XPO6: variants seen among roughly 807,000 people sequenced by gnomAD.
XPO6 encodes the protein exportin 6.
In XPO6, 3 loss-of-function variants were observed where a neutral mutation model predicts 130.0. The ratio of observed to expected loss-of-function variants is 0.02; its 90% CI spans 0.01 to 0.06. The LOEUF (loss-of-function observed/expected upper bound fraction) is 0.06. Among genes scored for constraint, XPO6 ranks in the 10% least tolerant of loss-of-function variants. XPO6 has a pLI of 1.00. For missense variants in XPO6, 970 were observed against 1,393.0 expected, an observed-to-expected ratio of 0.70 and a Z score of 4.83; for synonymous variants, 524 against 548.9, an observed-to-expected ratio of 0.95 and a Z score of 0.63.
rs780747269 is a variant in XPO6 at position 28,156,470 on chromosome 16, G to A, written c.701C>T (p.Pro234Leu). 1.2e-6 allele frequency: 2 copies of A among 1,606,900 alleles called. No homozygotes were observed. The highest frequency in any genetic ancestry group is 1.1e-5 in the South Asian group (1 of 90,632). The stretch of plus-strand genomic sequence containing the variant: ...ACTCTCCACATCAAGGATGGGAATT[G>A]GCTGATTCAACAGTTTGGCTGAACT... Reference protein sequence around the residue: ...SPSSAKLLNQPIPILDVESEY... With the variant: ...SPSSAKLLNQLIPILDVESEY... The change falls in exon 7 of 24, where the codon CCA (proline) becomes CTA (leucine). Residue 234 changes from proline (P) to leucine (L), a missense_variant. Around this residue, in one of 4 missense-constraint regions of XPO6, gnomAD observed 936 missense variants for 1,306.8 expected, o/e 0.72. Transcript: ENST00000304658.
chr16:28,147,026 A>C (rs1379324370), intron 8 of XPO6, among the ~76,000 whole-genome samples: 1 of 152,208 alleles, frequency 6.6e-6, no homozygotes, highest in Non-Finnish European at 1.5e-5. Flanking sequence ...TCAAATGCTC[A>C]CTACCTGAAA....
At chr16:28,182,587 C>CCCCT (rs1163585873) in intron 1 of XPO6, among the ~76,000 whole-genome samples, 1 of 152,180 alleles carries the variant, frequency 6.6e-6, no homozygotes, top group East Asian at 1.9e-4. Context: ...TTAGCCTAGC[C>CCCCT]CCCTACTCCT....
At chr16:28,170,526 G>C (rs8060146) in intron 4 of XPO6, among the ~76,000 whole-genome samples, 8,243 of 152,044 alleles carry the variant, frequency 0.054, 570 homozygotes, top group East Asian at 0.17. Flanking sequence ...CACAGCCTTT[G>C]TTACTTTGTC....
intron 1 of XPO6, among the ~76,000 whole-genome samples, chr16:28,196,285 T>C (rs2043861672): frequency 1.3e-5 from 2 of 152,254 alleles, no homozygotes; most frequent in Non-Finnish European, 2.9e-5. Context: ...TTACTTAATC[T>C]ATGTCATCTT....
intron 7 of XPO6, chr16:28,154,682 C>T (rs983137477): frequency 1.3e-5 from 2 of 152,208 alleles, no homozygotes; most frequent in Non-Finnish European, 2.9e-5. Flanking sequence ...CACGTAACAA[C>T]ATCAGTACAT....
intron 21 of XPO6, among the ~76,000 whole-genome samples, chr16:28,103,623 C>A (rs2086701431): frequency 6.6e-6 from 1 of 152,284 alleles, no homozygotes; most frequent in Non-Finnish European, 1.5e-5. Flanking sequence ...CACCAGCGTG[C>A]CAAAGAAGTC....
intron 16 of XPO6, 105 bp from the exon 17 acceptor site, chr16:28,112,111 T>G: frequency 7.4e-7 from 1 of 1,348,330 alleles, no homozygotes; most frequent in Non-Finnish European, 1.0e-6. Flanking sequence ...CCTGGAACCC[T>G]AGCCCCCAGG....
chr16:28,110,757 T>C (rs553619039), intron 17 of XPO6, among the ~76,000 whole-genome samples: 2 of 152,344 alleles, frequency 1.3e-5, no homozygotes, highest in South Asian at 2.1e-4. Flanking sequence ...ATAAGGCTAA[T>C]GTAAGAACTG....
chr16:28,114,199 CAAAAAA>C lies in XPO6; in HGVS notation c.2005-1155_2005-1150del, dbSNP rs71389524. ...ATAGGAAAATTATTATACATCCTCA[CAAAAAA>C]AAAAAAAAAAAACCACTGGACATTT... On this transcript the variant is annotated intron_variant, in intron 15 of 23. Transcript: ENST00000304658. 1.6e-3 allele frequency among the ~76,000 whole-genome samples: 153 copies of C among 97,736 alleles called. 4 individuals carry two copies. The East Asian group carries it at 0.04, about 26-fold the overall frequency. 64.1% of individuals were successfully genotyped at this position (97,736 alleles called of 152,430 possible). A position where few individuals can be genotyped will look rare whatever the true frequency, so the allele number is the denominator to read the frequency against.
At position 28,211,495 on chromosome 16, in the gene XPO6, C is replaced by G; in HGVS notation, c.-127G>C. The G allele has an allele frequency of 9.0e-7, 1 of 1,111,414 alleles. No individual in the cohort carries two copies. Among genetic ancestry groups the G allele is most frequent in the South Asian group, 4.4e-5 (1 of 22,662 alleles). 68.8% of individuals were successfully genotyped at this position (1,111,414 alleles called of 1,614,324 possible). ...CCCACCCATGCAAAGACAACCCCTT[C>G]CCCACCGGGCCCCGAGGGGACCCTC... On this transcript the variant is annotated 5_prime_UTR_variant, in exon 1 of 24. Coordinates refer to ENST00000304658, the MANE Select transcript of XPO6 (RefSeq NM_015171.4).
intron 1 of XPO6, among the ~76,000 whole-genome samples, chr16:28,200,477 TTTTC>T (rs748507918): frequency 2.0e-4 from 31 of 152,148 alleles, no homozygotes; most frequent in South Asian, 4.1e-4. Context: ...TCATACTACT[TTTTC>T]TTTCTTTCTT....
intron 6 of XPO6, among the ~76,000 whole-genome samples, chr16:28,158,374 G>GAAAT (rs2043216251): frequency 6.6e-6 from 1 of 152,224 alleles, no homozygotes; most frequent in Non-Finnish European, 1.5e-5. Flanking sequence ...TGCAACAGAT[G>GAAAT]AAATGCAGAA....
intron 6 of XPO6, among the ~76,000 whole-genome samples, chr16:28,162,926 T>C (rs1337451836): frequency 3.9e-5 from 6 of 152,218 alleles, no homozygotes. Flanking sequence ...GTTGTATATT[T>C]ACTAACTTAA....
At position 28,113,042 on chromosome 16, in the gene XPO6, G is replaced by T. The variant is rs770163744; in HGVS notation, c.2013C>A (p.Asp671Glu). Residue 671 changes from aspartate to glutamate, a missense_variant, in exon 16 of 24, where the codon GAC becomes GAA. Transcript: ENST00000304658. ...AGTGGCACGCAGATAGCAGCAGCTTGTCTTGGACCTGCAGAGGGAAGAGGG... is the reference window on the plus strand; with the variant it reads ...AGTGGCACGCAGATAGCAGCAGCTTTTCTTGGACCTGCAGAGGGAAGAGGG... ...ITPLISTKVQ[D>E]KLLLSACHLL... 1 of 1,613,880 alleles carries T rather than the reference G, an allele frequency of 6.2e-7. No individual in the cohort carries two copies. Among genetic ancestry groups the T allele is most frequent in the Admixed American group, 1.7e-5 (1 of 59,984 alleles).
intron 13 of XPO6, among the ~76,000 whole-genome samples, chr16:28,124,575 C>A (rs903373126): frequency 6.6e-6 from 1 of 152,166 alleles, no homozygotes; most frequent in Non-Finnish European, 1.5e-5. Flanking sequence ...AAAATCCACT[C>A]TCCCTCTCAA....
chr16:28,104,081 C>A (rs2086718521), intron 21 of XPO6, among the ~76,000 whole-genome samples: 1 of 152,186 alleles, frequency 6.6e-6, no homozygotes, highest in Non-Finnish European at 1.5e-5. Context: ...CTCCAATGGA[C>A]AGCTGCATCT....
chr16:28,153,591 C>T (rs2043132930), intron 7 of XPO6: 1 of 985,400 alleles, frequency 1.0e-6, no homozygotes, highest in African/African-American at 1.7e-5. Flanking sequence ...TAAGAGATCT[C>T]TGTTATTAAA....
At position 28,143,763 on chromosome 16, in the gene XPO6, A is replaced by G. The variant is rs570471434; in HGVS notation, c.1334+2331T>C. 7.2e-5 allele frequency among the ~76,000 whole-genome samples: 11 copies of G among 152,036 alleles called. No individual in the cohort carries two copies. The East Asian group carries it at 1.7e-3, about 24-fold the overall frequency. The stretch of plus-strand genomic sequence containing the variant: ...GAGATTCTCCTGCCTCAGCCTCCCA[A>G]GTAGCTGGGATTACAGATGCCTGCC... On this transcript the variant is annotated intron_variant, in intron 9 of 23. Coordinates refer to ENST00000304658, the MANE Select transcript of XPO6 (RefSeq NM_015171.4).
intron 2 of XPO6, among the ~76,000 whole-genome samples, chr16:28,179,764 T>C (rs2043586854): frequency 6.6e-6 from 1 of 152,086 alleles, no homozygotes; most frequent in Non-Finnish European, 1.5e-5. Context: ...GTAGTCCAAG[T>C]CCACACACTC....
Sources: allele counts gnomAD v4.1 joint callset (sites outside exome capture counted in the v4.1 genomes callset), GRCh38; gene constraint gnomAD v4.1.1; regional missense constraint gnomAD v4.1.1; transcripts MANE v1.5; gene names NCBI Gene and HGNC (gene_info 2026-07-23, HGNC 2026-07-21).